The following ROBO1 variants were observed in gnomAD, a reference collection of about 807,000 sequenced individuals.
ROBO1 encodes the protein roundabout homolog 1.
ROBO1 carries 149 observed loss-of-function variants against 195.9 expected under a neutral mutation model. The ratio of observed to expected loss-of-function variants is 0.76; its 90% CI spans 0.67 to 0.87. The LOEUF is 0.87. Ranked by LOEUF, ROBO1 falls within the 40% of genes least tolerant of loss-of-function variation. The probability of loss-of-function intolerance (pLI) is 0.00; values close to 1 mark genes in which losing one functional copy is unlikely to be tolerated. For synonymous variants in ROBO1, 816 were observed against 733.2 expected (o/e 1.11, Z -1.82); for missense variants, 1,933 against 2,068.3 (o/e 0.93, Z 1.27).
intron 3 of ROBO1, among the ~76,000 whole-genome samples, chr3:79,032,802 A>G (rs1443343840): frequency 6.6e-6 from 1 of 152,078 alleles, no homozygotes; most frequent in Admixed American, 6.5e-5. Context: ...AGTTGATAGC[A>G]GGTCTCTTTA....
chr3:79,135,051 T>TA (rs34852498), intron 2 of ROBO1, among the ~76,000 whole-genome samples: 8 of 150,218 alleles, frequency 5.3e-5, no homozygotes, highest in African/African-American at 2.0e-4. Flanking sequence ...AAAAAAACAT[T>TA]AAAAAAAAAA....
chr3:78,705,425 T>C (rs80078458), intron 8 of ROBO1, among the ~76,000 whole-genome samples: 2,945 of 152,340 alleles, frequency 0.019, 81 homozygotes, highest in African/African-American at 0.059. Flanking sequence ...GTATTACATG[T>C]ACACTCATTT....
chr3:79,042,402 T>C (rs988476417), intron 3 of ROBO1, among the ~76,000 whole-genome samples: 1 of 152,116 alleles, frequency 6.6e-6, no homozygotes, highest in South Asian at 2.1e-4. Context: ...GAAAGGTAAA[T>C]ATTCCGATGG....
Position 79,069,915 on chromosome 3 carries a change from T to C in ROBO1, c.172+55541A>G, listed in dbSNP as rs898331598. 4.6e-5 allele frequency among the ~76,000 whole-genome samples: 7 copies of C among 152,064 alleles called. No homozygotes were observed. In the East Asian group the frequency reaches 1.4e-3, roughly 30 times the overall value. On this transcript the variant is annotated intron_variant, in intron 3 of 30. Coordinates refer to ENST00000464233, the MANE Select transcript of ROBO1 (RefSeq NM_002941.4). ...CTTATATTTTATCTTCTATTCATTA[T>C]GTTTTTTCTTTCTTTTTTTCCCTCC...
chr3:78,865,715 C>T (rs1485810127), intron 4 of ROBO1, among the ~76,000 whole-genome samples: 1 of 152,148 alleles, frequency 6.6e-6, no homozygotes, highest in Non-Finnish European at 1.5e-5. Context: ...TCGTGATCCT[C>T]CTGCCTTGGC....
chr3:79,623,308 G>A (rs1050603322), intron 1 of ROBO1, among the ~76,000 whole-genome samples: 4 of 152,130 alleles, frequency 2.6e-5, no homozygotes, highest in African/African-American at 7.2e-5. Flanking sequence ...CAATCGCAAC[G>A]TCTCTCATTC....
chr3:78,714,451 C>T lies in ROBO1; in HGVS notation c.991G>A (p.Val331Ile), dbSNP rs548437861. Residue 331 changes from valine to isoleucine, a missense_variant, in exon 8 of 31, where the codon GTT (valine) becomes ATT (isoleucine). Physicochemically the swap from Val to Ile is conservative, Grantham distance 29. This residue lies in a region of ROBO1 where 1,737 missense variants were observed against 1,882.5 expected (regional missense o/e 0.92). Transcript: ENST00000464233. ...TAGDMGSYTC[V>I]AENMVGKAEA... Reference sequence around the variant, plus strand: ...GCTTTGCCCACCATATTTTCTGCAACACAAGTGTATGAACCCATGTCACCA... The same window carrying T: ...GCTTTGCCCACCATATTTTCTGCAATACAAGTGTATGAACCCATGTCACCA... 1.9e-6 allele frequency: 3 copies of T among 1,613,304 alleles called. No individual in the cohort carries two copies. The highest frequency in any genetic ancestry group is 1.3e-5 in the African/African-American group (1 of 74,916).
intron 4 of ROBO1, among the ~76,000 whole-genome samples, chr3:78,818,687 C>T (rs1461691333): frequency 6.6e-6 from 1 of 152,170 alleles, no homozygotes; most frequent in East Asian, 1.9e-4. Flanking sequence ...ATGTGGTGGC[C>T]GGCACTGACG....
At chr3:79,544,311 TAAC>T (rs1332150616) in intron 2 of ROBO1, among the ~76,000 whole-genome samples, 2 of 151,902 alleles carry the variant, frequency 1.3e-5, no homozygotes, top group Non-Finnish European at 2.9e-5. Context: ...ATTTTTATAA[TAAC>T]ATTTTTTCTT....
intron 4 of ROBO1, among the ~76,000 whole-genome samples, chr3:78,760,774 T>C (rs906592363): frequency 6.6e-6 from 1 of 152,074 alleles, no homozygotes; most frequent in African/African-American, 2.4e-5. Context: ...CCCAAGTAGC[T>C]GGGACTGGAG....
intron 3 of ROBO1, among the ~76,000 whole-genome samples, chr3:79,080,169 T>C (rs2079245852): frequency 6.6e-6 from 1 of 151,914 alleles, no homozygotes; most frequent in South Asian, 2.1e-4. Flanking sequence ...TTATACATAT[T>C]ATTTAAACCA....
chr3:79,019,269 G>A (rs116452783), intron 3 of ROBO1: 21 of 985,762 alleles, frequency 2.1e-5, no homozygotes, highest in African/African-American at 3.5e-5. Flanking sequence ...CTTCCTGGGG[G>A]CAGCTGCCTG....
At position 78,950,691 on chromosome 3, in the gene ROBO1, A is replaced by T. The variant is rs562781039; in HGVS notation, c.173-11764T>A. Among the ~76,000 whole-genome samples the T allele has an allele frequency of 4.1e-3, 490 of 118,510 alleles. 3 individuals carry two copies. The highest frequency in any genetic ancestry group is 4.5e-3 in the Non-Finnish European group (282 of 63,020). The allele number at this position is 118,510 out of a possible 152,430, so 77.7% of individuals were successfully genotyped here. A position where few individuals can be genotyped will look rare whatever the true frequency, so the allele number is the denominator to read the frequency against. On this transcript the variant is annotated intron_variant, in intron 3 of 30. Transcript: ENST00000464233. ...AATAAAATAAATGTAATATTAAATT[A>T]AAAAAAAAAACAAAACATCAAGAAA...
intron 4 of ROBO1, among the ~76,000 whole-genome samples, chr3:78,817,432 T>A (rs557225716): frequency 4.2e-4 from 64 of 151,876 alleles, no homozygotes; most frequent in African/African-American, 1.5e-3. Flanking sequence ...CAAAAAAAAA[T>A]TCATCTGACT....
intron 28 of ROBO1, among the ~76,000 whole-genome samples, chr3:78,609,855 T>A (rs1380761118): frequency 1.3e-5 from 2 of 152,188 alleles, no homozygotes; most frequent in Non-Finnish European, 2.9e-5. Context: ...TACATATTTT[T>A]AAAAAATAAA....
chr3:79,658,015 A>G (rs551055953), intron 1 of ROBO1, among the ~76,000 whole-genome samples: 1 of 152,184 alleles, frequency 6.6e-6, no homozygotes, highest in African/African-American at 2.4e-5. Flanking sequence ...GATATATGGT[A>G]ATGACAGTAT....
chr3:78,921,648 A>T (rs749267712), intron 4 of ROBO1, among the ~76,000 whole-genome samples: 43 of 152,350 alleles, frequency 2.8e-4, no homozygotes, highest in Non-Finnish European at 3.5e-4. Flanking sequence ...GTATGTTTGT[A>T]TATAAAATAT....
intron 2 of ROBO1, among the ~76,000 whole-genome samples, chr3:79,382,623 G>A (rs183725677): frequency 1.2e-3 from 185 of 152,186 alleles, no homozygotes; most frequent in African/African-American, 4.1e-3. Context: ...TTAAGTTGAA[G>A]GTATGATTCT....
intron 1 of ROBO1, among the ~76,000 whole-genome samples, chr3:79,679,781 A>C (rs1946888937): frequency 2.0e-5 from 3 of 152,000 alleles, no homozygotes; most frequent in Admixed American, 2.0e-4. Flanking sequence ...AAAAAGGAAA[A>C]AAAGAAAGAA....
Sources: gnomAD v4.1 joint callset for allele counts (sites outside exome capture counted in the v4.1 genomes callset) on GRCh38, gnomAD v4.1.1 for gene constraint, gnomAD v4.1.1 regional missense constraint, MANE v1.5 for transcripts, NCBI Gene and HGNC (gene_info 2026-07-23, HGNC 2026-07-21) for gene names.